The following GTF3C1 variants were observed in gnomAD, a reference collection of about 807,000 sequenced individuals.
GTF3C1 encodes general transcription factor IIIC subunit 1.
GTF3C1 carries 57 observed loss-of-function variants against 226.7 expected under a neutral mutation model. The ratio of observed to expected loss-of-function variants is 0.25; its 90% CI spans 0.20 to 0.31. The LOEUF is 0.31. Ranked by LOEUF, GTF3C1 falls within the 10% of genes least tolerant of loss-of-function variation. The pLI, the probability that GTF3C1 is intolerant of heterozygous loss-of-function variation, is 1.00. For missense variants in GTF3C1, 2,217 were observed against 2,776.1 expected, an observed-to-expected ratio of 0.80 and a Z score of 4.53; for synonymous variants, 1,090 against 1,084.8, an observed-to-expected ratio of 1.00 and a Z score of -0.09.
chr16:27,505,012 C>T (rs138601399), intron 10 of GTF3C1, among the ~76,000 whole-genome samples: 38 of 152,242 alleles, frequency 2.5e-4, no homozygotes, highest in African/African-American at 7.5e-4. Flanking sequence ...GCATCTACTC[C>T]GTGCTAGGTG....
intron 23 of GTF3C1, 30 bp from the exon 24 acceptor site, chr16:27,486,184 A>T (rs1567392601): frequency 7.1e-7 from 1 of 1,415,644 alleles, no homozygotes; most frequent in Non-Finnish European, 9.9e-7. Context: ...AAGGCAGGAG[A>T]CCTCTAACAC....
intron 13 of GTF3C1, among the ~76,000 whole-genome samples, chr16:27,498,291 T>C (rs1013650804): frequency 1.3e-5 from 2 of 152,200 alleles, no homozygotes; most frequent in Non-Finnish European, 2.9e-5. Flanking sequence ...GCTCATTACA[T>C]GGTTTATGAA....
rs528071933 is a variant in GTF3C1, at chr16:27,531,126, C to T, written c.849+2165G>A. Reference sequence around the variant, plus strand: ...TCCCGAGTAGCTGGACTGGTGCATACCACCACCCCTGGCTAATAACTTCTT... The same window carrying T: ...TCCCGAGTAGCTGGACTGGTGCATATCACCACCCCTGGCTAATAACTTCTT... On this transcript the variant is annotated intron_variant, in intron 5 of 36. Transcript: ENST00000356183. Among the ~76,000 whole-genome samples the T allele has an allele frequency of 9.2e-5, 14 of 152,294 alleles. 1 individual carries two copies. The South Asian group carries it at 2.7e-3, about 29-fold the overall frequency.
At chr16:27,476,630 A>T in intron 28 of GTF3C1, 86 bp from the exon 29 acceptor site, 2 of 753,624 alleles carry the variant, frequency 2.7e-6, no homozygotes, top group Non-Finnish European at 2.3e-6. Flanking sequence ...AAAAAACTTG[A>T]ATCTCACAAA....
chr16:27,518,951 G>T (rs1048236476), intron 6 of GTF3C1, among the ~76,000 whole-genome samples: 7 of 152,198 alleles, frequency 4.6e-5, no homozygotes, highest in Non-Finnish European at 8.8e-5. Flanking sequence ...GGCACTCAAC[G>T]CATGCTCTCT....
At chr16:27,497,587 C>T (rs745522721) in intron 14 of GTF3C1, 50 bp downstream of exon 14, 17 of 1,485,428 alleles carry the variant, frequency 1.1e-5, no homozygotes, top group Non-Finnish European at 1.6e-5. Context: ...CATTGTCATA[C>T]AAACAACAAA....
chr16:27,515,477 A>C (rs1256089650), intron 6 of GTF3C1, among the ~76,000 whole-genome samples: 1 of 151,468 alleles, frequency 6.6e-6, no homozygotes, highest in East Asian at 1.9e-4. Context: ...AAAAAAAAAA[A>C]CAAAAAAAAC....
At chr16:27,542,177 T>C (rs1185132212) in intron 2 of GTF3C1, among the ~76,000 whole-genome samples, 1 of 152,136 alleles carries the variant, frequency 6.6e-6, no homozygotes, top group East Asian at 1.9e-4. Flanking sequence ...GCCACGTGCA[T>C]GAGAGTACAT....
chr16:27,512,557 G>A (rs1015912467), intron 6 of GTF3C1, among the ~76,000 whole-genome samples: 7 of 152,274 alleles, frequency 4.6e-5, no homozygotes, highest in African/African-American at 1.7e-4. Context: ...CCAGCAATGG[G>A]GGTGGAGGGG....
chr16:27,519,934 C>T (rs1187821782), intron 6 of GTF3C1, among the ~76,000 whole-genome samples: 1 of 152,086 alleles, frequency 6.6e-6, no homozygotes, highest in Non-Finnish European at 1.5e-5. Context: ...AGCAAGATCC[C>T]GTCTCTACAA....
chr16:27,462,021 G>A lies in GTF3C1; in HGVS notation c.6117+273C>T, dbSNP rs901824868. The A allele has an allele frequency of 1.7e-5, 8 of 464,958 alleles. No individual in the cohort carries two copies. The highest frequency in any genetic ancestry group is 2.7e-5 in the Non-Finnish European group (7 of 259,158). The allele number at this position is 464,958 out of a possible 1,614,324, so 28.8% of individuals were successfully genotyped here. ...GGCAGCTGCTTGACCCGTGGGGCCC[G>A]GCGGACTCATGAGTTAGTGACCCCT... On this transcript the variant is annotated intron_variant, in intron 36 of 36. Transcript: ENST00000356183. This position sits in a 1 kb window ranked among gnomAD's most constrained non-coding sequence, Gnocchi z 4.5.
At chr16:27,498,369 T>A (rs187244568) in intron 13 of GTF3C1, among the ~76,000 whole-genome samples, 38 of 152,322 alleles carry the variant, frequency 2.5e-4, no homozygotes, top group Admixed American at 7.8e-4. Flanking sequence ...TGAGTGAGTG[T>A]CAGACATCAG....
intron 6 of GTF3C1, among the ~76,000 whole-genome samples, chr16:27,514,969 G>A (rs1305944180): frequency 6.6e-6 from 1 of 152,230 alleles, no homozygotes; most frequent in Non-Finnish European, 1.5e-5. Context: ...CAGACCTGAG[G>A]CGCCCTCAGC....
Position 27,461,781 on chromosome 16 carries a change from T to C in GTF3C1, c.6118-219A>G. 1 of 565,264 alleles carries C rather than the reference T, an allele frequency of 1.8e-6. No homozygotes were observed. Among genetic ancestry groups the C allele is most frequent in the South Asian group, 2.3e-5 (1 of 43,518 alleles). The allele number at this position is 565,264 out of a possible 1,614,324, so 35.0% of individuals were successfully genotyped here. ...TGCCTGAGCAGCACGTGTACAGCGCTGGCTGGAGCCACCACGCTGAATCTC... is the reference window on the plus strand; with the variant it reads ...TGCCTGAGCAGCACGTGTACAGCGCCGGCTGGAGCCACCACGCTGAATCTC... On this transcript the variant is annotated intron_variant, in intron 36 of 36. Transcript: ENST00000356183. This position sits in a 1 kb window ranked among gnomAD's most constrained non-coding sequence, Gnocchi z 5.3.
In GTF3C1 at chr16:27,502,980, G is replaced by A. The variant is rs558407135; in HGVS notation, c.1786C>T (p.Leu596=). 1 of 1,613,014 alleles carries A rather than the reference G, an allele frequency of 6.2e-7. No homozygotes were observed. Among genetic ancestry groups the A allele is most frequent in the Middle Eastern group, 1.6e-4 (1 of 6,062 alleles). The change falls in exon 11 of 37, where the codon CTG becomes TTG. Residue 596 remains leucine, a synonymous_variant. Coordinates refer to ENST00000356183, the MANE Select transcript of GTF3C1 (RefSeq NM_001520.4). ...CCTGAGCTGTGCCTCCCAGTCTTCA[G>A]GGAACTGCTACTCTCCTAGAACAGA... is the stretch of plus-strand genomic sequence containing the variant. ...MENPKESSSS[L]KTGRHSSGQD...
chr16:27,505,017 T>G (rs1368099098), intron 10 of GTF3C1, among the ~76,000 whole-genome samples: 1 of 152,134 alleles, frequency 6.6e-6, no homozygotes, highest in African/African-American at 2.4e-5. Flanking sequence ...TACTCCGTGC[T>G]AGGTGCCTCG....
At position 27,462,059 on chromosome 16, in the gene GTF3C1, G is replaced by A. The variant is rs2087713434; in HGVS notation, c.6117+235C>T. 5.4e-6 allele frequency: 3 copies of A among 556,018 alleles called. No individual in the cohort carries two copies. Among genetic ancestry groups the A allele is most frequent in the South Asian group, 4.8e-5 (2 of 41,382 alleles). The allele number at this position is 556,018 out of a possible 1,614,324, so 34.4% of individuals were successfully genotyped here. A position where few individuals can be genotyped will look rare whatever the true frequency, so the allele number is the denominator to read the frequency against. ...GTTAGTGACCCCTGGCACAGAGAAA[G>A]CATCAGAGACAAGCACCCCGGGCAC... is the stretch of plus-strand genomic sequence containing the variant. On this transcript the variant is annotated intron_variant, in intron 36 of 36. Coordinates refer to ENST00000356183, the MANE Select transcript of GTF3C1 (RefSeq NM_001520.4). The surrounding 1 kb of genome is among the most constrained non-coding windows in gnomAD (Gnocchi z 4.5).
At chr16:27,547,423 C>T (rs909932030) in intron 1 of GTF3C1, among the ~76,000 whole-genome samples, 7 of 151,924 alleles carry the variant, frequency 4.6e-5, no homozygotes, top group African/African-American at 1.7e-4. Context: ...CAGCAAAGTC[C>T]CCACCTCCCC....
At chr16:27,544,691 T>A (rs1274706242) in intron 2 of GTF3C1, among the ~76,000 whole-genome samples, 2 of 150,952 alleles carry the variant, frequency 1.3e-5, no homozygotes, top group Non-Finnish European at 3.0e-5. Flanking sequence ...GATTAGACAC[T>A]CTGGGGAATT....
Sources: gnomAD v4.1 joint callset for allele counts (sites outside exome capture counted in the v4.1 genomes callset) on GRCh38, gnomAD v4.1.1 for gene constraint, Gnocchi (gnomAD v3.1) non-coding constraint, MANE v1.5 for transcripts, NCBI Gene and HGNC (gene_info 2026-07-23, HGNC 2026-07-21) for gene names.